Variants in ACTR3B observed in about 807,000 individuals in gnomAD.
ACTR3B encodes actin-related protein 3B.
In ACTR3B, 8 loss-of-function variants were observed where a neutral mutation model predicts 59.0. The observed-to-expected ratio is 0.14, with a 90% CI of 0.08 to 0.24. The LOEUF (loss-of-function observed/expected upper bound fraction) is 0.24. ACTR3B is among the 10% of genes least tolerant of loss of function. ACTR3B has a pLI of 1.00. For missense variants in ACTR3B, 245 were observed against 552.3 expected (o/e 0.44, Z 5.58); for synonymous variants, 148 against 197.9 (o/e 0.75, Z 2.12).
At chr7:152,775,512 C>T (rs1045960373) in intron 1 of ACTR3B, among the ~76,000 whole-genome samples, 4 of 152,076 alleles carry the variant, frequency 2.6e-5, no homozygotes, top group Admixed American at 2.6e-4. Flanking sequence ...GTAATCCCAG[C>T]ACTTTGGGAG....
chr7:152,773,536 G>C (rs920189646), intron 1 of ACTR3B, among the ~76,000 whole-genome samples: 5 of 151,898 alleles, frequency 3.3e-5, no homozygotes, highest in Non-Finnish European at 5.9e-5. Context: ...GCAGGGAGTG[G>C]AGATCATGAT....
intron 2 of ACTR3B, among the ~76,000 whole-genome samples, chr7:152,798,350 A>G (rs894377182): frequency 3.3e-5 from 5 of 151,904 alleles, no homozygotes; most frequent in Admixed American, 2.6e-4. Flanking sequence ...AGAAATGTCC[A>G]TTCAGGTCTC....
intron 2 of ACTR3B, among the ~76,000 whole-genome samples, chr7:152,792,404 T>C (rs1436914148): frequency 6.6e-6 from 1 of 152,124 alleles, no homozygotes; most frequent in Non-Finnish European, 1.5e-5. Context: ...CTTTTCTCTT[T>C]AGAGAACTTC....
At chr7:152,796,853 T>C in intron 2 of ACTR3B, among the ~76,000 whole-genome samples, 2 of 118,050 alleles carry the variant, frequency 1.7e-5, no homozygotes, top group Admixed American at 2.2e-4. Context: ...TCCCGGCTAG[T>C]TTTTGTGTTT....
chr7:152,765,297 A>G (rs2098105794), intron 1 of ACTR3B, among the ~76,000 whole-genome samples: 1 of 151,614 alleles, frequency 6.6e-6, no homozygotes, highest in African/African-American at 2.4e-5. Flanking sequence ...TTGTATTTTT[A>G]ATAGAGACGG....
intron 1 of ACTR3B, among the ~76,000 whole-genome samples, chr7:152,775,483 G>T (rs977842540): frequency 9.9e-5 from 15 of 152,222 alleles, no homozygotes; most frequent in African/African-American, 3.6e-4. Flanking sequence ...GGGGCAGGCT[G>T]GGCGTGATAG....
At chr7:152,760,735 G>A (rs1563063670) in intron 1 of ACTR3B, among the ~76,000 whole-genome samples, 1 of 152,178 alleles carries the variant, frequency 6.6e-6, no homozygotes, top group Non-Finnish European at 1.5e-5. Flanking sequence ...CTATTAAAAA[G>A]AGATCTTAGG....
At chr7:152,782,761 A>G (rs1301078190) in intron 1 of ACTR3B, among the ~76,000 whole-genome samples, 5 of 151,686 alleles carry the variant, frequency 3.3e-5, no homozygotes, top group South Asian at 2.1e-4. Flanking sequence ...GCATATGTAG[A>G]TGGGAGTTCT....
At chr7:152,831,238 G>A (rs555661012) in intron 9 of ACTR3B, among the ~76,000 whole-genome samples, 6 of 152,260 alleles carry the variant, frequency 3.9e-5, no homozygotes, top group African/African-American at 9.6e-5. Flanking sequence ...ACCTGTTGCC[G>A]TGGGAGGCTG....
rs1456989514 is a variant in ACTR3B at position 152,824,316 on chromosome 7, G to A, written c.859-714G>A. 6.6e-6 allele frequency among the ~76,000 whole-genome samples: 1 copy of A among 152,140 alleles called. No homozygotes were observed. The highest frequency in any genetic ancestry group is 1.5e-5 in the Non-Finnish European group (1 of 68,018). On this transcript the variant is annotated intron_variant, in intron 8 of 11. Transcript: ENST00000256001. This position sits in a 1 kb window ranked among gnomAD's most constrained non-coding sequence, Gnocchi z 4.2. ...AGTGAATGCTCACTTTTAATATGTT[G>A]ATTTGAAATGGACATAGAACAGTCA...
chr7:152,807,619 C>T (rs141643872), intron 4 of ACTR3B, among the ~76,000 whole-genome samples: 4,477 of 152,274 alleles, frequency 0.029, 96 homozygotes, highest in Middle Eastern at 0.099. Context: ...GTCAGCACCG[C>T]GCAAGAGGCT....
chr7:152,786,664 A>G (rs938135832), intron 2 of ACTR3B, among the ~76,000 whole-genome samples: 37 of 152,062 alleles, frequency 2.4e-4, no homozygotes, highest in Admixed American at 8.5e-4. Context: ...GTATCAGAGT[A>G]AATGAATAAA....
At chr7:152,826,063 C>T (rs1286398204) in intron 9 of ACTR3B, among the ~76,000 whole-genome samples, 5 of 152,070 alleles carry the variant, frequency 3.3e-5, no homozygotes, top group East Asian at 1.9e-4. Context: ...ATGACTCACT[C>T]GCCTTACTCA....
intron 1 of ACTR3B, among the ~76,000 whole-genome samples, chr7:152,777,193 C>T (rs963743767): frequency 8.5e-5 from 13 of 152,098 alleles, no homozygotes; most frequent in African/African-American, 1.7e-4. Context: ...TTTACCACCA[C>T]CTTCAGTATT....
At chr7:152,771,892 C>T (rs921294826) in intron 1 of ACTR3B, among the ~76,000 whole-genome samples, 2 of 151,898 alleles carry the variant, frequency 1.3e-5, no homozygotes, top group Non-Finnish European at 2.9e-5. Flanking sequence ...ATGGAGAAAC[C>T]CCATCTCTAC....
intron 1 of ACTR3B, among the ~76,000 whole-genome samples, chr7:152,761,764 A>G (rs934131603): frequency 2.0e-5 from 3 of 152,198 alleles, no homozygotes; most frequent in Non-Finnish European, 4.4e-5. Flanking sequence ...TAGTTCTTAC[A>G]TTTCCCAGAG....
chr7:152,799,033 C>T (rs2098226365), intron 2 of ACTR3B, among the ~76,000 whole-genome samples: 1 of 152,136 alleles, frequency 6.6e-6, no homozygotes, highest in South Asian at 2.1e-4. Flanking sequence ...GTGAAGGATG[C>T]CATTGGTATT....
intron 10 of ACTR3B, 139 bp from the exon 11 acceptor site, chr7:152,853,347 AGAGTCACT>A: frequency 1.5e-6 from 1 of 672,100 alleles, no homozygotes; most frequent in Admixed American, 2.2e-5. Flanking sequence ...GCAGGGGCGG[AGAGTCACT>A]GAGTGCTGGG....
intron 9 of ACTR3B, among the ~76,000 whole-genome samples, chr7:152,845,394 C>T (rs1181881339): frequency 1.3e-5 from 2 of 152,170 alleles, no homozygotes; most frequent in Non-Finnish European, 2.9e-5. Flanking sequence ...AGTATTCATG[C>T]AGTGTTGTCT....
Sources: allele counts gnomAD v4.1 joint callset (sites outside exome capture counted in the v4.1 genomes callset), GRCh38; gene constraint gnomAD v4.1.1; non-coding constraint Gnocchi (gnomAD v3.1); transcripts MANE v1.5; gene names NCBI Gene and HGNC (gene_info 2026-07-23, HGNC 2026-07-21).